Variants in SLC4A4 observed in about 807,000 individuals in gnomAD.
The protein encoded by SLC4A4 is solute carrier family 4 member 4.
A neutral mutation model predicts 111.5 loss-of-function variants in SLC4A4; 27 were observed. The observed-to-expected ratio is 0.24, with a 90% confidence interval of 0.18 to 0.33. The LOEUF is 0.33. Ranked by LOEUF, SLC4A4 falls within the 10% of genes least tolerant of loss-of-function variation. SLC4A4 has a pLI of 1.00. For synonymous variants in SLC4A4, 443 were observed against 463.4 expected (o/e 0.96, Z 0.57); for missense variants, 909 against 1,315.5 (o/e 0.69, Z 4.78).
intron 3 of SLC4A4, among the ~76,000 whole-genome samples, chr4:71,277,752 A>C (rs1560839737): frequency 1.3e-5 from 2 of 151,178 alleles, no homozygotes; most frequent in Non-Finnish European, 2.9e-5. Context: ...TCTTTGTTAG[A>C]TATGTGATTT....
chr4:71,233,235 T>A (rs1488292066), intron 1 of SLC4A4: 1 of 982,242 alleles, frequency 1.0e-6, no homozygotes, highest in East Asian at 1.1e-4. Context: ...ATCCAGTAAA[T>A]ATTTACTGAA....
intron 6 of SLC4A4, among the ~76,000 whole-genome samples, chr4:71,377,217 T>C (rs1203560153): frequency 1.3e-5 from 2 of 152,254 alleles, no homozygotes; most frequent in Non-Finnish European, 2.9e-5. Flanking sequence ...TGATAACTGC[T>C]ACTTCTTTGT....
chr4:71,526,793 C>G (rs190777861), intron 16 of SLC4A4, among the ~76,000 whole-genome samples: 29 of 152,042 alleles, frequency 1.9e-4, no homozygotes, highest in African/African-American at 6.8e-4. Flanking sequence ...TCTCGAGGCT[C>G]TAGGGGAGAA....
intron 2 of SLC4A4, among the ~76,000 whole-genome samples, chr4:71,115,012 AATG>A: frequency 7.2e-6 from 1 of 139,682 alleles, no homozygotes; most frequent in Middle Eastern, 3.6e-3. Flanking sequence ...AGCCATAAAA[AATG>A]ATGAGTTCAT....
chr4:71,439,271 C>T (rs375108624), intron 7 of SLC4A4, among the ~76,000 whole-genome samples: 2 of 150,400 alleles, frequency 1.3e-5, no homozygotes, highest in African/African-American at 2.4e-5. Flanking sequence ...TACTAAAAGA[C>T]GAAAAAATTA....
intron 16 of SLC4A4, among the ~76,000 whole-genome samples, chr4:71,526,289 G>T (rs34973757): frequency 0.44 from 66,427 of 151,924 alleles, 18,599 homozygotes; most frequent in Non-Finnish European, 0.62. Flanking sequence ...CTCCAGGAGT[G>T]ATTTCTGCTG....
intron 21 of SLC4A4, 123 bp from the exon 22 acceptor site, chr4:71,557,577 CTTGACCATTCCT>C: frequency 1.2e-6 from 1 of 838,734 alleles, no homozygotes; most frequent in South Asian, 1.4e-5. Context: ...TTCTGCATTC[CTTGACCATTCCT>C]TTGTCCTCTG....
At chr4:71,310,515 G>C (rs1475118142) in intron 3 of SLC4A4, among the ~76,000 whole-genome samples, 1 of 152,222 alleles carries the variant, frequency 6.6e-6, no homozygotes, top group African/African-American at 2.4e-5. Flanking sequence ...CAAGCCAGAA[G>C]AGAGTGGGGC....
intron 3 of SLC4A4, among the ~76,000 whole-genome samples, chr4:71,259,249 G>A (rs927661421): frequency 2.0e-5 from 3 of 152,112 alleles, no homozygotes; most frequent in South Asian, 2.1e-4. Context: ...ATAACCTAAC[G>A]CTTTCTATTT....
intron 7 of SLC4A4, among the ~76,000 whole-genome samples, chr4:71,418,838 C>T (rs1271233145): frequency 6.6e-6 from 1 of 152,128 alleles, no homozygotes; most frequent in Non-Finnish European, 1.5e-5. Flanking sequence ...TACTTTTGGT[C>T]TTTGATGATG....
intron 7 of SLC4A4, among the ~76,000 whole-genome samples, chr4:71,427,940 T>G (rs189098548): frequency 1.9e-4 from 29 of 152,288 alleles, no homozygotes; most frequent in Non-Finnish European, 1.2e-4. Flanking sequence ...CAAGTCTGTT[T>G]TTTTCTATTT....
intron 2 of SLC4A4, among the ~76,000 whole-genome samples, chr4:71,115,860 A>G (rs1743228791): frequency 1.3e-5 from 2 of 152,198 alleles, no homozygotes; most frequent in South Asian, 2.1e-4. Context: ...CTTTCCATTT[A>G]AAAAGTATTT....
At chr4:71,497,222 A>G (rs1238212391) in intron 15 of SLC4A4, among the ~76,000 whole-genome samples, 5 of 152,146 alleles carry the variant, frequency 3.3e-5, no homozygotes, top group Non-Finnish European at 7.4e-5. Flanking sequence ...GGAAAGAAGT[A>G]CTTTGTGGTT....
At chr4:71,514,551 T>G (rs1411124853) in intron 16 of SLC4A4, among the ~76,000 whole-genome samples, 1 of 152,220 alleles carries the variant, frequency 6.6e-6, no homozygotes, top group East Asian at 1.9e-4. Flanking sequence ...TCTTCAATTG[T>G]GTGGAATAGT....
chr4:71,280,934 A>G (rs1406431757), intron 3 of SLC4A4, among the ~76,000 whole-genome samples: 2 of 152,236 alleles, frequency 1.3e-5, no homozygotes, highest in African/African-American at 4.8e-5. Flanking sequence ...AAGTTCTCAT[A>G]AAGTTATTAT....
chr4:71,361,022 G>A (rs567374588), intron 6 of SLC4A4, among the ~76,000 whole-genome samples: 3 of 152,282 alleles, frequency 2.0e-5, no homozygotes, highest in Non-Finnish European at 4.4e-5. Flanking sequence ...ACACCCAGGA[G>A]GAGGAGCGGC....
rs1578037224 is a variant in SLC4A4, at chr4:71,494,224, A to G, written c.1975-3277A>G. Among the ~76,000 whole-genome samples, 4 of 152,180 alleles carry G rather than the reference A, an allele frequency of 2.6e-5. 1 individual carries two copies. Among genetic ancestry groups the G allele is most frequent in the Admixed American group, 2.6e-4 (4 of 15,260 alleles). ...GGAAGCTACAATAAATTGTAATAAA[A>G]CATTACACGCATCGTAAGGAAAACA... On this transcript the variant is annotated intron_variant, in intron 15 of 25. Transcript: ENST00000264485.
At position 71,163,440 on chromosome 4, in the gene SLC4A4, C is replaced by T. The variant is rs72860060; in HGVS notation, c.-2+70648C>T. Among the ~76,000 whole-genome samples, 853 of 152,286 alleles carry T rather than the reference C, an allele frequency of 5.6e-3. 11 individuals carry two copies. The highest frequency in any genetic ancestry group is 0.02 in the African/African-American group (816 of 41,558). On this transcript the variant is annotated intron_variant, in intron 2 of 26. Coordinates refer to the SLC4A4 transcript ENST00000649996. ...CCAGATATAGTCTTTGGTCTGTTTT[C>T]TTCTGCTGTGATGTCACAGAGCAGT...
intron 2 of SLC4A4, among the ~76,000 whole-genome samples, chr4:71,174,031 C>T (rs925107090): frequency 1.3e-5 from 2 of 151,954 alleles, no homozygotes; most frequent in Non-Finnish European, 2.9e-5. Flanking sequence ...ATTTTAGTTG[C>T]CAGATAGCAG....
Sources: gnomAD v4.1 joint callset for allele counts (sites outside exome capture counted in the v4.1 genomes callset) on GRCh38, gnomAD v4.1.1 for gene constraint, MANE v1.5 for transcripts, NCBI Gene and HGNC (gene_info 2026-07-23, HGNC 2026-07-21) for gene names.